TRDN: variants seen among roughly 807,000 people sequenced by gnomAD.
The protein encoded by TRDN is triadin in skeletal muscle.
TRDN carries 161 observed loss-of-function variants against 149.7 expected under a neutral mutation model. That is an observed-to-expected ratio of 1.08 (90% CI 0.95 to 1.23). The LOEUF (loss-of-function observed/expected upper bound fraction) is 1.23. TRDN is among the 50% of genes most tolerant of loss of function. The pLI, the probability that TRDN is intolerant of heterozygous loss-of-function variation, is 0.00. For synonymous variants in TRDN, 294 were observed against 250.5 expected (o/e 1.17, Z -1.64); for missense variants, 896 against 823.5 (o/e 1.09, Z -1.08).
At chr6:123,496,025 G>A (rs1778428747) in intron 9 of TRDN, among the ~76,000 whole-genome samples, 1 of 145,672 alleles carries the variant, frequency 6.9e-6, no homozygotes, top group East Asian at 2.0e-4. Context: ...CACAAACATC[G>A]ATATTATTAA....
At chr6:123,342,912 A>T (rs1780117977) in intron 21 of TRDN, among the ~76,000 whole-genome samples, 1 of 152,038 alleles carries the variant, frequency 6.6e-6, no homozygotes, top group South Asian at 2.1e-4. Flanking sequence ...ACATACTCGA[A>T]ATTCCACAAC....
At chr6:123,380,332 T>G (rs1488837768) in intron 16 of TRDN, among the ~76,000 whole-genome samples, 1 of 152,218 alleles carries the variant, frequency 6.6e-6, no homozygotes. Flanking sequence ...TCTCTATATG[T>G]ACTTTAATAC....
chr6:123,265,251 T>C, intron 33 of TRDN, 67 bp downstream of exon 33: 4 of 1,203,080 alleles, frequency 3.3e-6, no homozygotes, highest in Middle Eastern at 2.0e-4. Flanking sequence ...CAGTTATAAC[T>C]CAAAGAAATT....
intron 9 of TRDN, among the ~76,000 whole-genome samples, chr6:123,494,536 G>T (rs1778351180): frequency 3.3e-5 from 5 of 152,176 alleles, no homozygotes; most frequent in Admixed American, 3.3e-4. Flanking sequence ...TTCAAGTAAA[G>T]AAATTTTAAA....
At chr6:123,486,139 A>G (rs931446119) in intron 9 of TRDN, among the ~76,000 whole-genome samples, 4 of 152,138 alleles carry the variant, frequency 2.6e-5, no homozygotes, top group Non-Finnish European at 4.4e-5. Flanking sequence ...GACTTAAATT[A>G]CGGTAAATGA....
At chr6:123,248,724 TAA>T (rs376104604) in intron 38 of TRDN, among the ~76,000 whole-genome samples, 95 of 152,048 alleles carry the variant, frequency 6.2e-4, no homozygotes, top group African/African-American at 2.2e-3. Flanking sequence ...TAGTCAGTAA[TAA>T]AACAATCTCT....
intron 32 of TRDN, among the ~76,000 whole-genome samples, chr6:123,265,893 G>A (rs1014488644): frequency 6.8e-6 from 1 of 146,870 alleles, no homozygotes; most frequent in African/African-American, 2.5e-5. Context: ...AATATAACAT[G>A]TCTTCTAAAA....
intron 23 of TRDN, among the ~76,000 whole-genome samples, chr6:123,328,534 C>T (rs1398933143): frequency 6.6e-6 from 1 of 152,166 alleles, no homozygotes; most frequent in Non-Finnish European, 1.5e-5. Context: ...CTTCCTCTCG[C>T]ACCAATCTTT....
chr6:123,310,317 AT>A (rs1414185815), intron 24 of TRDN, among the ~76,000 whole-genome samples: 1 of 152,030 alleles, frequency 6.6e-6, no homozygotes, highest in Non-Finnish European at 1.5e-5. Context: ...GGTACTATAG[AT>A]TGAGGTCTGC....
intron 9 of TRDN, among the ~76,000 whole-genome samples, chr6:123,473,860 C>G (rs940250392): frequency 2.6e-5 from 4 of 151,742 alleles, no homozygotes; most frequent in East Asian, 3.9e-4. Context: ...CATAAGCGAA[C>G]GAGAAATAAA....
chr6:123,456,992 A>G (rs1776167177), intron 10 of TRDN: 3 of 330,154 alleles, frequency 9.1e-6, no homozygotes, highest in South Asian at 4.6e-5. Flanking sequence ...TGGAGGAAAC[A>G]TTCTTTTTTA....
At chr6:123,233,243 G>C (rs1775674114) in intron 38 of TRDN, among the ~76,000 whole-genome samples, 1 of 152,056 alleles carries the variant, frequency 6.6e-6, no homozygotes, top group African/African-American at 2.4e-5. Flanking sequence ...TTGACAGCCA[G>C]TTTATTTTAG....
At chr6:123,401,146 CT>C (rs1213606180) in intron 12 of TRDN, among the ~76,000 whole-genome samples, 2 of 152,108 alleles carry the variant, frequency 1.3e-5, no homozygotes, top group Admixed American at 1.3e-4. Context: ...TTCTTGAGCC[CT>C]TTTTTTCCTC....
chr6:123,608,048 T>C (rs1243072259), intron 1 of TRDN, among the ~76,000 whole-genome samples: 4 of 152,080 alleles, frequency 2.6e-5, no homozygotes, highest in Non-Finnish European at 5.9e-5. Context: ...GTGTCAACTA[T>C]ACTCCAAAAT....
chr6:123,590,124 T>G (rs1783707730), intron 1 of TRDN, among the ~76,000 whole-genome samples: 1 of 152,060 alleles, frequency 6.6e-6, no homozygotes, highest in Admixed American at 6.5e-5. Flanking sequence ...ACGGACCCAT[T>G]AGGAACCAGG....
At chr6:123,328,901 C>T (rs183091448) in intron 23 of TRDN, among the ~76,000 whole-genome samples, 9 of 152,278 alleles carry the variant, frequency 5.9e-5, no homozygotes, top group South Asian at 2.1e-4. Flanking sequence ...CCAGCACCCC[C>T]GCAGCTTCTT....
intron 10 of TRDN, among the ~76,000 whole-genome samples, chr6:123,460,525 G>A (rs554208730): frequency 7.9e-5 from 12 of 152,012 alleles, no homozygotes; most frequent in African/African-American, 2.9e-4. Context: ...CAAAAGATAT[G>A]ACTTTATTTC....
intron 19 of TRDN, among the ~76,000 whole-genome samples, chr6:123,374,948 T>C (rs1054884118): frequency 2.0e-5 from 3 of 152,196 alleles, no homozygotes; most frequent in Non-Finnish European, 4.4e-5. Context: ...AAATCCTATA[T>C]ACAAAGCTTA....
intron 8 of TRDN, chr6:123,501,779 A>C: frequency 1.2e-6 from 1 of 807,370 alleles, no homozygotes; most frequent in Non-Finnish European, 1.5e-6. Flanking sequence ...TCCTTTTAAT[A>C]GATAAATAAC....
Sources: gnomAD v4.1 joint callset for allele counts (sites outside exome capture counted in the v4.1 genomes callset) on GRCh38, gnomAD v4.1.1 for gene constraint, MANE v1.5 for transcripts, NCBI Gene and HGNC (gene_info 2026-07-23, HGNC 2026-07-21) for gene names.